CRB1: variants seen among roughly 807,000 people sequenced by gnomAD.
The protein encoded by CRB1 is crumbs cell polarity complex component 1.
CRB1 carries 83 observed loss-of-function variants against 120.0 expected under a neutral mutation model. The observed-to-expected ratio is 0.69, with a 90% confidence interval of 0.58 to 0.83. CRB1 has a LOEUF of 0.83. Among genes scored for constraint, CRB1 ranks in the 40% least tolerant of loss-of-function variants. The pLI is 0.00. For missense variants in CRB1, 1,699 were observed against 1,687.6 expected, an observed-to-expected ratio of 1.01 and a Z score of -0.12; for synonymous variants, 625 against 612.5, an observed-to-expected ratio of 1.02 and a Z score of -0.30.
chr1:197,466,807 T>G (rs1666766683), intron 11 of CRB1, among the ~76,000 whole-genome samples: 2 of 152,092 alleles, frequency 1.3e-5, no homozygotes, highest in Non-Finnish European at 2.9e-5. Flanking sequence ...CTGAAGAAAG[T>G]TGGAAAGAAG....
intron 11 of CRB1, among the ~76,000 whole-genome samples, chr1:197,467,382 A>T (rs1246497587): frequency 6.6e-6 from 1 of 152,068 alleles, no homozygotes; most frequent in Non-Finnish European, 1.5e-5. Context: ...ACACTTTACC[A>T]CTAAGTATTT....
At chr1:197,243,097 T>C in the CRB1 span, among the ~76,000 whole-genome samples, 1 of 151,986 alleles carries the variant, frequency 6.6e-6, no homozygotes, top group Non-Finnish European at 1.5e-5. Context: ...GTGGTCTATC[T>C]ATTTTGTTAA....
chr1:197,237,482 C>G, the CRB1 span, among the ~76,000 whole-genome samples: 1 of 152,106 alleles, frequency 6.6e-6, no homozygotes, highest in Admixed American at 6.6e-5. Context: ...GGCCCCACCT[C>G]TTAATATTAT....
In CRB1 at chr1:197,292,690, C is replaced by T. The variant is rs1161691637; in HGVS notation, c.70+24208C>T. On this transcript the variant is annotated intron_variant, in intron 1 of 11. Coordinates refer to ENST00000367400, the MANE Select transcript of CRB1 (RefSeq NM_201253.3). ...AATACTGGCAAACCGAATCCAGCAG[C>T]ACATCAAAAAGCTTATCCACCATGA... Among the ~76,000 whole-genome samples the T allele has an allele frequency of 3.9e-5, 6 of 152,108 alleles. No homozygotes were observed. In the East Asian group the frequency reaches 7.7e-4, roughly 20 times the overall value.
At chr1:197,236,274 A>C in the CRB1 span, among the ~76,000 whole-genome samples, 3 of 142,990 alleles carry the variant, frequency 2.1e-5, no homozygotes, top group African/African-American at 5.3e-5. Context: ...ATCTCAGCTC[A>C]CTGCAACCTC....
intron 5 of CRB1, among the ~76,000 whole-genome samples, chr1:197,400,483 T>TTGA (rs1313097680): frequency 2.0e-5 from 3 of 151,240 alleles, no homozygotes; most frequent in Admixed American, 6.6e-5. Context: ...TTTTTTTTTT[T>TTGA]TGATGATGAT....
chr1:197,298,233 G>T (rs556561815), intron 1 of CRB1, among the ~76,000 whole-genome samples: 1 of 152,218 alleles, frequency 6.6e-6, no homozygotes, highest in Admixed American at 6.5e-5. Flanking sequence ...GGAAGTAAAA[G>T]AATCTTATTC....
intron 11 of CRB1, among the ~76,000 whole-genome samples, chr1:197,454,967 T>C (rs529691044): frequency 6.6e-6 from 1 of 152,316 alleles, no homozygotes; most frequent in African/African-American, 2.4e-5. Flanking sequence ...GCTTCGTACA[T>C]AAGAGTTCTC....
intron 11 of CRB1, among the ~76,000 whole-genome samples, chr1:197,469,925 G>A (rs1404697932): frequency 6.6e-6 from 1 of 151,998 alleles, no homozygotes; most frequent in African/African-American, 2.4e-5. Flanking sequence ...TGTCTGGTTG[G>A]CTCCTTGGTC....
intron 1 of CRB1, among the ~76,000 whole-genome samples, chr1:197,288,266 AG>A (rs1655951635): frequency 6.6e-6 from 1 of 151,858 alleles, no homozygotes; most frequent in Non-Finnish European, 1.5e-5. Flanking sequence ...GCACTCACAG[AG>A]GGCCAAGAAT....
upstream of CRB1, among the ~76,000 whole-genome samples, chr1:197,266,875 G>A (rs1254107895): frequency 6.6e-6 from 1 of 151,930 alleles, no homozygotes; most frequent in Non-Finnish European, 1.5e-5. Context: ...GGCCTTCCAT[G>A]TTGTAAATTC....
the CRB1 span, among the ~76,000 whole-genome samples, chr1:197,258,772 T>A: frequency 6.6e-6 from 1 of 152,196 alleles, no homozygotes; most frequent in South Asian, 2.1e-4. Context: ...TCACTGGATC[T>A]TTGTATTTTT....
At chr1:197,394,460 C>T (rs999860331) in intron 5 of CRB1, among the ~76,000 whole-genome samples, 1 of 151,812 alleles carries the variant, frequency 6.6e-6, no homozygotes, top group South Asian at 2.1e-4. Flanking sequence ...CTTCAGGGGT[C>T]GGCATCCCAG....
At chr1:197,438,470 C>A in intron 9 of CRB1, 77 bp from the exon 10 acceptor site, 1 of 1,569,712 alleles carries the variant, frequency 6.4e-7, no homozygotes, top group Non-Finnish European at 8.7e-7. Flanking sequence ...TGACTACATA[C>A]ATGAATTTAT....
At chr1:197,202,017 C>CACCTCCT in the CRB1 span, among the ~76,000 whole-genome samples, 7 of 152,246 alleles carry the variant, frequency 4.6e-5, no homozygotes, top group South Asian at 1.5e-3. Context: ...CCAGGAGGTG[C>CACCTCCT]TGATATCATT....
At chr1:197,339,626 C>CT (rs1476065180) in intron 2 of CRB1, among the ~76,000 whole-genome samples, 17 of 152,156 alleles carry the variant, frequency 1.1e-4, no homozygotes, top group Admixed American at 1.1e-3. Context: ...GGTGTGCTCC[C>CT]TGCCCACTGT....
chr1:197,369,185 T>C (rs1477353856), intron 5 of CRB1, among the ~76,000 whole-genome samples: 2 of 152,126 alleles, frequency 1.3e-5, no homozygotes, highest in Non-Finnish European at 2.9e-5. Context: ...TCCCAAAATG[T>C]TTTTTATTAA....
intron 2 of CRB1, among the ~76,000 whole-genome samples, chr1:197,337,203 T>C (rs1659206171): frequency 6.6e-6 from 1 of 152,090 alleles, no homozygotes; most frequent in South Asian, 2.1e-4. Flanking sequence ...TGTGAGGACA[T>C]AGAAAGAAAT....
chr1:197,460,638 A>C (rs770659638), intron 11 of CRB1, among the ~76,000 whole-genome samples: 1 of 152,128 alleles, frequency 6.6e-6, no homozygotes, highest in Non-Finnish European at 1.5e-5. Flanking sequence ...AGGCCCAAAG[A>C]AGTGAAGTGA....
Sources: allele counts gnomAD v4.1 joint callset (sites outside exome capture counted in the v4.1 genomes callset), GRCh38; gene constraint gnomAD v4.1.1; transcripts MANE v1.5; gene names NCBI Gene and HGNC (gene_info 2026-07-23, HGNC 2026-07-21).